Variants in PPP4R1 observed in about 807,000 individuals in gnomAD.
PPP4R1 encodes serine/threonine-protein phosphatase 4 regulatory subunit 1.
PPP4R1 carries 42 observed loss-of-function variants against 111.2 expected under a neutral mutation model. The ratio of observed to expected loss-of-function variants is 0.38; its 90% CI spans 0.29 to 0.49. The LOEUF (loss-of-function observed/expected upper bound fraction) is 0.49, where lower values mean the gene tolerates loss of function less well. Among genes scored for constraint, PPP4R1 ranks in the 20% least tolerant of loss-of-function variants. The pLI, the probability that PPP4R1 is intolerant of heterozygous loss-of-function variation, is 0.97. For synonymous variants in PPP4R1, 409 were observed against 405.5 expected (o/e 1.01, Z -0.10); for missense variants, 1,012 against 1,161.6 (o/e 0.87, Z 1.87).
chr18:9,603,388 A>G (rs971853708), intron 2 of PPP4R1, among the ~76,000 whole-genome samples: 3 of 152,204 alleles, frequency 2.0e-5, no homozygotes, highest in Admixed American at 2.0e-4. Context: ...CTTTTTGATA[A>G]AATGTTATTT....
At chr18:9,608,017 C>T (rs1351190652) in intron 2 of PPP4R1, among the ~76,000 whole-genome samples, 4 of 147,824 alleles carry the variant, frequency 2.7e-5, no homozygotes, top group South Asian at 2.2e-4. Flanking sequence ...CTCCTGATCT[C>T]GGGTGATCCA....
intron 13 of PPP4R1, among the ~76,000 whole-genome samples, chr18:9,560,356 C>T (rs1297822070): frequency 6.6e-6 from 1 of 152,066 alleles, no homozygotes; most frequent in Non-Finnish European, 1.5e-5. Flanking sequence ...GTGCACATGT[C>T]TAATTATTAG....
At position 9,582,840 on chromosome 18, in the gene PPP4R1, T is replaced by C. The variant is rs1385069919; in HGVS notation, c.918+277A>G. On this transcript the variant is annotated intron_variant, in intron 9 of 19. Coordinates refer to ENST00000400556, the MANE Select transcript of PPP4R1 (RefSeq NM_001042388.3). Reference sequence around the variant, plus strand: ...TACAACTATGACCAAGTGGGACTTATTCCAAAGATGCAAGTGGTTTAACAT... The same window carrying C: ...TACAACTATGACCAAGTGGGACTTACTCCAAAGATGCAAGTGGTTTAACAT... Among the ~76,000 whole-genome samples the C allele has an allele frequency of 3.3e-5, 5 of 152,184 alleles. No individual in the cohort carries two copies. The East Asian group carries it at 9.6e-4, about 29-fold the overall frequency.
At chr18:9,596,112 G>C (rs1245664850) in intron 2 of PPP4R1, among the ~76,000 whole-genome samples, 1 of 152,156 alleles carries the variant, frequency 6.6e-6, no homozygotes, top group South Asian at 2.1e-4. Flanking sequence ...TACTAGCCAG[G>C]GCATTCAAGC....
intron 15 of PPP4R1, among the ~76,000 whole-genome samples, chr18:9,555,970 A>AC (rs2066571257): frequency 7.1e-6 from 1 of 140,532 alleles, no homozygotes; most frequent in Admixed American, 7.5e-5. Flanking sequence ...CCCCATCTCT[A>AC]CTAAAACAAA....
chr18:9,584,598 A>ATT lies in PPP4R1; in HGVS notation c.694-20_694-19dup. 1 of 1,609,818 alleles carries ATT rather than the reference A, an allele frequency of 6.2e-7. No individual in the cohort carries two copies. Among genetic ancestry groups the ATT allele is most frequent in the Non-Finnish European group, 8.5e-7 (1 of 1,178,396 alleles). Reference sequence around the variant, plus strand: ...GCACAGACCTGACAACAAAAGCATCATTGACATTTCAAAATATTACACATA... The same window carrying ATT: ...GCACAGACCTGACAACAAAAGCATCATTTTGACATTTCAAAATATTACACATA... On this transcript the variant is annotated intron_variant, in intron 7 of 19. Transcript: ENST00000400556.
chr18:9,593,864 C>A lies in PPP4R1; in HGVS notation c.199G>T (p.Ala67Ser). 6.2e-7 allele frequency: 1 copy of A among 1,613,248 alleles called. No homozygotes were observed. Among genetic ancestry groups the A allele is most frequent in the East Asian group, 2.2e-5 (1 of 44,844 alleles). Residue 67 changes from alanine to serine, a missense_variant, in exon 4 of 20, where the codon GCC (alanine) becomes TCC (serine). Transcript: ENST00000400556. ...CTCAAGGTATCGAGCAAACTCCGGG[C>A]CACCATTTGTCTACACAAAAAAAAC... is the stretch of plus-strand genomic sequence containing the variant. ...SENIFNRQMVARSLLDTLREV... is the reference protein window; with the variant it reads ...SENIFNRQMVSRSLLDTLREV...
intron 9 of PPP4R1, 120 bp downstream of exon 9, chr18:9,582,997 T>C: frequency 1.0e-6 from 1 of 989,328 alleles, no homozygotes; most frequent in Non-Finnish European, 1.4e-6. Context: ...TGTCTATTCC[T>C]AAAAGTATAA....
At chr18:9,592,656 TAC>T (rs983453786) in intron 4 of PPP4R1, among the ~76,000 whole-genome samples, 4 of 141,516 alleles carry the variant, frequency 2.8e-5, no homozygotes, top group Non-Finnish European at 6.1e-5. Context: ...TATTTTAAAA[TAC>T]ACACACACAC....
At chr18:9,553,551 T>C (rs142387402) in intron 15 of PPP4R1, 129 bp from the exon 16 acceptor site, 660 of 630,068 alleles carry the variant, frequency 1.0e-3, no homozygotes, top group Non-Finnish European at 1.6e-3. Flanking sequence ...TAGCTGTATT[T>C]AAGTGTTTTA....
intron 13 of PPP4R1, among the ~76,000 whole-genome samples, chr18:9,560,489 G>A (rs561847536): frequency 6.9e-6 from 1 of 144,388 alleles, no homozygotes; most frequent in South Asian, 2.4e-4. Context: ...ATGGATGAGT[G>A]GAGAAGAAAA....
chr18:9,567,474 C>CT (rs1170035434), intron 11 of PPP4R1, among the ~76,000 whole-genome samples: 1 of 152,192 alleles, frequency 6.6e-6, no homozygotes, highest in African/African-American at 2.4e-5. Flanking sequence ...AGCAATCCTC[C>CT]TGTCCTCAGT....
chr18:9,604,638 C>T (rs1230496868), intron 2 of PPP4R1, among the ~76,000 whole-genome samples: 2 of 152,152 alleles, frequency 1.3e-5, no homozygotes, highest in African/African-American at 4.8e-5. Flanking sequence ...TTTCTATTTT[C>T]TAATTAAGAG....
chr18:9,554,197 G>A (rs1050476538), intron 15 of PPP4R1, among the ~76,000 whole-genome samples: 4 of 150,032 alleles, frequency 2.7e-5, no homozygotes, highest in Non-Finnish European at 4.4e-5. Flanking sequence ...GCGGGATCTC[G>A]GCTCACTGCA....
chr18:9,560,872 T>C (rs886451856), intron 13 of PPP4R1, among the ~76,000 whole-genome samples: 2 of 147,902 alleles, frequency 1.4e-5, no homozygotes, highest in South Asian at 4.4e-4. Context: ...CTAACAACAA[T>C]AACAAAATAA....
intron 2 of PPP4R1, among the ~76,000 whole-genome samples, chr18:9,603,955 TTTTTG>T (rs2067435959): frequency 6.6e-6 from 1 of 152,216 alleles, no homozygotes; most frequent in Admixed American, 6.5e-5. Flanking sequence ...ATTCACAATT[TTTTTG>T]TTTTATTTGT....
chr18:9,557,894 G>A (rs62087424), intron 14 of PPP4R1, among the ~76,000 whole-genome samples: 8,467 of 152,224 alleles, frequency 0.056, 307 homozygotes, highest in Middle Eastern at 0.092. Context: ...CACCCTCCCC[G>A]GTTTACTGTT....
upstream of PPP4R1, among the ~76,000 whole-genome samples, chr18:9,616,626 A>G (rs920326168): frequency 1.3e-5 from 2 of 152,154 alleles, no homozygotes; most frequent in Non-Finnish European, 2.9e-5. Context: ...CACAAAATCT[A>G]CAGCGTGCCA....
intron 12 of PPP4R1, 191 bp downstream of exon 12, chr18:9,563,187 C>T (rs1027551282): frequency 1.7e-5 from 20 of 1,191,848 alleles, no homozygotes; most frequent in Non-Finnish European, 4.4e-6. Context: ...CTTTTCCAGG[C>T]ATTTCATATG....
Sources: gnomAD v4.1 joint callset for allele counts (sites outside exome capture counted in the v4.1 genomes callset) on GRCh38, gnomAD v4.1.1 for gene constraint, MANE v1.5 for transcripts, NCBI Gene and HGNC (gene_info 2026-07-23, HGNC 2026-07-21) for gene names.